Variants in XPNPEP3 observed in about 807,000 individuals in gnomAD.
XPNPEP3 encodes the protein X-prolyl aminopeptidase 3.
XPNPEP3 carries 41 observed loss-of-function variants against 60.0 expected under a neutral mutation model. The ratio of observed to expected loss-of-function variants is 0.68; its 90% CI spans 0.53 to 0.89. XPNPEP3 has a LOEUF of 0.89. Among genes scored for constraint, XPNPEP3 ranks in the 40% least tolerant of loss-of-function variants. The pLI, the probability that XPNPEP3 is intolerant of heterozygous loss-of-function variation, is 0.00. For synonymous variants in XPNPEP3, 212 were observed against 223.2 expected (o/e 0.95, Z 0.45); for missense variants, 598 against 638.9 (o/e 0.94, Z 0.69).
At chr22:40,861,106 G>C (rs142238888) in intron 1 of XPNPEP3, 3 of 1,610,448 alleles carry the variant, frequency 1.9e-6, no homozygotes, top group African/African-American at 2.7e-5. Flanking sequence ...ACCTCTTTAC[G>C]CTTCTTTTTT....
At chr22:40,920,276 G>T (rs1333308073) in intron 7 of XPNPEP3, among the ~76,000 whole-genome samples, 6 of 152,130 alleles carry the variant, frequency 3.9e-5, no homozygotes, top group Admixed American at 6.6e-5. Flanking sequence ...GCCGAGGCAG[G>T]AGAATCGCTT....
chr22:40,860,831 T>G, intron 1 of XPNPEP3: 1 of 640,542 alleles, frequency 1.6e-6, no homozygotes, highest in East Asian at 2.9e-5. Flanking sequence ...TTAAATTTTT[T>G]GTAGAGAAAA....
At chr22:40,899,308 C>T (rs2058122092) in intron 4 of XPNPEP3, among the ~76,000 whole-genome samples, 1 of 152,188 alleles carries the variant, frequency 6.6e-6, no homozygotes, top group African/African-American at 2.4e-5. Flanking sequence ...TCTGAGCTTA[C>T]TTTCAGCCAG....
intron 2 of XPNPEP3, among the ~76,000 whole-genome samples, chr22:40,871,401 A>G (rs1177677267): frequency 1.3e-5 from 2 of 152,202 alleles, no homozygotes; most frequent in Non-Finnish European, 2.9e-5. Flanking sequence ...AGTTTAGGAT[A>G]TAAAATTATG....
chr22:40,890,325 A>G (rs764563497), intron 4 of XPNPEP3, among the ~76,000 whole-genome samples: 1 of 152,140 alleles, frequency 6.6e-6, no homozygotes, highest in Non-Finnish European at 1.5e-5. Context: ...AGGCAGGAGA[A>G]TCACTTAAGC....
chr22:40,867,336 C>G (rs374279586), intron 1 of XPNPEP3, among the ~76,000 whole-genome samples: 2 of 152,274 alleles, frequency 1.3e-5, no homozygotes, highest in African/African-American at 4.8e-5. Context: ...TAGGTCCTCT[C>G]TGTTTAATCT....
At chr22:40,873,518 C>T (rs1048334866) in intron 2 of XPNPEP3, among the ~76,000 whole-genome samples, 1 of 152,114 alleles carries the variant, frequency 6.6e-6, no homozygotes, top group South Asian at 2.1e-4. Flanking sequence ...TCATCTCTAT[C>T]GTCAACTATA....
intron 6 of XPNPEP3, 49 bp downstream of exon 6, chr22:40,909,284 G>A (rs747872181): frequency 3.4e-6 from 5 of 1,458,776 alleles, no homozygotes; most frequent in Non-Finnish European, 4.8e-6. Context: ...AGATAGCCTA[G>A]TAGAAAACCT....
intron 4 of XPNPEP3, among the ~76,000 whole-genome samples, chr22:40,896,277 C>A (rs908482191): frequency 6.6e-6 from 1 of 152,160 alleles, no homozygotes; most frequent in African/African-American, 2.4e-5. Flanking sequence ...ACTCTGCCCA[C>A]CTCGGCCTCC....
At chr22:40,884,943 G>A (rs2058062783) in intron 3 of XPNPEP3, among the ~76,000 whole-genome samples, 2 of 151,628 alleles carry the variant, frequency 1.3e-5, no homozygotes, top group African/African-American at 4.8e-5. Context: ...CAGGGGAATT[G>A]CTTGAACCAG....
At position 40,928,469 on chromosome 22, in the gene XPNPEP3, A is replaced by G. The variant is rs2058243501; in HGVS notation, c.*2034A>G. 6.6e-6 allele frequency: 1 copy of G among 152,238 alleles called. No individual in the cohort carries two copies. The highest frequency in any genetic ancestry group is 2.1e-4 in the South Asian group (1 of 4,842). 9.4% of individuals were successfully genotyped at this position (152,238 alleles called of 1,614,324 possible). Reference sequence around the variant, plus strand: ...CAATCCGCCCACCTCAGCCTCCCAAAGTGCTAGGATTACAGGCATGAGCCA... The same window carrying G: ...CAATCCGCCCACCTCAGCCTCCCAAGGTGCTAGGATTACAGGCATGAGCCA... On this transcript the variant is annotated 3_prime_UTR_variant, in exon 10 of 10. Coordinates refer to ENST00000357137, the MANE Select transcript of XPNPEP3 (RefSeq NM_022098.4).
chr22:40,884,074 A>G (rs143216412), intron 3 of XPNPEP3, among the ~76,000 whole-genome samples: 3 of 152,312 alleles, frequency 2.0e-5, no homozygotes, highest in African/African-American at 7.2e-5. Flanking sequence ...TTGAATATGT[A>G]AGTTCTAATA....
intron 1 of XPNPEP3, among the ~76,000 whole-genome samples, chr22:40,858,414 C>A (rs1000014107): frequency 6.6e-6 from 1 of 151,964 alleles, no homozygotes; most frequent in Non-Finnish European, 1.5e-5. Context: ...CTCTCCCCAG[C>A]CTGACTAAAG....
intron 4 of XPNPEP3, among the ~76,000 whole-genome samples, chr22:40,889,565 C>T (rs899424598): frequency 1.3e-5 from 2 of 152,210 alleles, no homozygotes; most frequent in Non-Finnish European, 2.9e-5. Context: ...TAGTGGCTCA[C>T]CCCTATAATC....
rs2058068400 is a variant in XPNPEP3 at position 40,886,323 on chromosome 22, C to T, written c.600C>T (p.Asn200=). 3 of 1,613,920 alleles carry T rather than the reference C, an allele frequency of 1.9e-6. No homozygotes were observed. The South Asian group carries it at 3.3e-5, about 18-fold the overall frequency. ...GCTTCTCATTCTAAGCTGAGACGAA[C>T]ATGGTTTGGTATGACTGGATGAGGC... ...HLLPKMKAET[N]MVWYDWMRPS... Residue 200 remains asparagine, a synonymous_variant, in exon 4 of 10, where the codon AAC becomes AAT. Transcript: ENST00000357137.
chr22:40,905,341 A>G (rs1455810745), intron 4 of XPNPEP3, among the ~76,000 whole-genome samples: 1 of 151,868 alleles, frequency 6.6e-6, no homozygotes, highest in Non-Finnish European at 1.5e-5. Context: ...GGCCGCCTGA[A>G]GTGCTGGGAT....
intron 4 of XPNPEP3, among the ~76,000 whole-genome samples, chr22:40,902,246 ATTTT>A (rs140967240): frequency 1.6e-5 from 1 of 64,358 alleles, no homozygotes; most frequent in Non-Finnish European, 2.9e-5. Flanking sequence ...TGCCTGGCTA[ATTTT>A]TTTTTTTTTT....
intron 2 of XPNPEP3, among the ~76,000 whole-genome samples, chr22:40,871,046 A>T (rs2058003150): frequency 1.3e-5 from 2 of 151,956 alleles, no homozygotes; most frequent in Admixed American, 1.3e-4. Flanking sequence ...AAGGAAAAAA[A>T]ATTTAAAGGC....
intron 4 of XPNPEP3, among the ~76,000 whole-genome samples, chr22:40,895,550 ATCT>A (rs1255833101): frequency 6.6e-6 from 1 of 151,928 alleles, no homozygotes; most frequent in Non-Finnish European, 1.5e-5. Flanking sequence ...GCCCAGGCTA[ATCT>A]TGAACTGCTG....
Sources: allele counts gnomAD v4.1 joint callset (sites outside exome capture counted in the v4.1 genomes callset), GRCh38; gene constraint gnomAD v4.1.1; transcripts MANE v1.5; gene names NCBI Gene and HGNC (gene_info 2026-07-23, HGNC 2026-07-21).